The following GRID2IP variants were observed in gnomAD, a reference collection of about 807,000 sequenced individuals.
The protein encoded by GRID2IP is delphilin.
A neutral mutation model predicts 114.3 loss-of-function variants in GRID2IP; 78 were observed. The observed-to-expected ratio is 0.68, with a 90% CI of 0.57 to 0.82. The LOEUF (loss-of-function observed/expected upper bound fraction) is 0.82. GRID2IP is among the 40% of genes least tolerant of loss of function. GRID2IP has a pLI of 0.00. For missense variants in GRID2IP, 1,727 were observed against 1,678.5 expected, an observed-to-expected ratio of 1.03 and a Z score of -0.51; for synonymous variants, 809 against 724.0, an observed-to-expected ratio of 1.12 and a Z score of -1.89.
Position 6,521,306 on chromosome 7 carries a change from C to A in GRID2IP, c.1084+123G>T. The A allele has an allele frequency of 1.5e-6, 1 of 662,416 alleles. No homozygotes were observed. Among genetic ancestry groups the A allele is most frequent in the Non-Finnish European group, 2.6e-6 (1 of 391,712 alleles). 41.0% of individuals were successfully genotyped at this position (662,416 alleles called of 1,614,324 possible). The stretch of plus-strand genomic sequence containing the variant: ...TCTATAGCACCACTTAGGAGGCAGC[C>A]CCGGGGAGGCAAGCTGCAGGTTTAG... On this transcript the variant is annotated intron_variant, in intron 6 of 21. Transcript: ENST00000457091. This position sits in a 1 kb window ranked among gnomAD's most constrained non-coding sequence, Gnocchi z 4.1.
At chr7:6,511,370 A>T (rs1001367927) in intron 8 of GRID2IP, among the ~76,000 whole-genome samples, 1 of 149,230 alleles carries the variant, frequency 6.7e-6, no homozygotes, top group Non-Finnish European at 1.5e-5. Context: ...TTATGGGCAA[A>T]ATAGAAGTGT....
intron 4 of GRID2IP, among the ~76,000 whole-genome samples, chr7:6,522,710 A>G (rs1247622508): frequency 6.7e-6 from 1 of 148,822 alleles, no homozygotes; most frequent in Non-Finnish European, 1.5e-5. Flanking sequence ...CAGTGGTGTG[A>G]TCTCGGCTCA....
Position 6,509,326 on chromosome 7 carries a change from T to A in GRID2IP, c.1772-13A>T, listed in dbSNP as rs1274776475. The A allele has an allele frequency of 6.7e-7, 1 of 1,488,386 alleles. No homozygotes were observed. The highest frequency in any genetic ancestry group is 2.4e-5 in the Admixed American group (1 of 41,760). 92.2% of individuals were successfully genotyped at this position (1,488,386 alleles called of 1,614,324 possible). A position where few individuals can be genotyped will look rare whatever the true frequency, so the allele number is the denominator to read the frequency against. On this transcript the variant is annotated splice_polypyrimidine_tract_variant and intron_variant, in intron 11 of 21. Coordinates refer to ENST00000457091, the MANE Select transcript of GRID2IP (RefSeq NM_001145118.2). The surrounding 1 kb of genome is among the most constrained non-coding windows in gnomAD (Gnocchi z 4.9). ...AGGGTCCTGGGCCCTGGAGGAGGGA[T>A]GGAGTATGAGGATTCCTCTTCAGCC...
chr7:6,503,408 C>G lies in GRID2IP; in HGVS notation c.2907+83G>C, dbSNP rs570749541. 3.1e-5 allele frequency: 41 copies of G among 1,333,566 alleles called. No homozygotes were observed. In the East Asian group the frequency reaches 1.1e-3, roughly 35 times the overall value. The allele number at this position is 1,333,566 out of a possible 1,614,324, so 82.6% of individuals were successfully genotyped here. On this transcript the variant is annotated intron_variant, in intron 16 of 21. Transcript: ENST00000457091. ...GGCGCAATGGCGGCCCCCGAAGGCG[C>G]GCGGGACCCCAGCAGCCCTGGCCAC...
At chr7:6,544,499 C>T (rs578100267) in intron 1 of GRID2IP, among the ~76,000 whole-genome samples, 80 of 151,828 alleles carry the variant, frequency 5.3e-4, no homozygotes, top group Non-Finnish European at 8.5e-4. Context: ...CAGGCAGTCT[C>T]GAGCTCCTGA....
Position 6,497,715 on chromosome 7 carries a change from G to T in GRID2IP, c.*59C>A. Reference sequence around the variant, plus strand: ...GGCCCCGGACCTCGGCAGTGTCTGGGCTGCCCTCTCGGCCTCCATCTCCCT... The same window carrying T: ...GGCCCCGGACCTCGGCAGTGTCTGGTCTGCCCTCTCGGCCTCCATCTCCCT... On this transcript the variant is annotated 3_prime_UTR_variant, in exon 22 of 22. Transcript: ENST00000457091. 1 of 1,316,270 alleles carries T rather than the reference G, an allele frequency of 7.6e-7. No homozygotes were observed. The highest frequency in any genetic ancestry group is 1.1e-6 in the Non-Finnish European group (1 of 945,402). 81.5% of individuals were successfully genotyped at this position (1,316,270 alleles called of 1,614,324 possible).
chr7:6,546,750 C>G (rs545258051), intron 1 of GRID2IP, among the ~76,000 whole-genome samples: 1 of 152,112 alleles, frequency 6.6e-6, no homozygotes, highest in South Asian at 2.1e-4. Context: ...GCCTGGGCAG[C>G]CTGTCGGATT....
chr7:6,497,663 C>T lies in GRID2IP; in HGVS notation c.*111G>A, dbSNP rs1229386811. On this transcript the variant is annotated 3_prime_UTR_variant, in exon 22 of 22. Transcript: ENST00000457091. ...CTGAGGTAGCTGCAGGAGAGGCTGG[C>T]GGTGTGCTCAGAGCCCGGGGCACAG... 8.3e-6 allele frequency: 6 copies of T among 726,046 alleles called. No homozygotes were observed. Among genetic ancestry groups the T allele is most frequent in the Admixed American group, 3.0e-5 (1 of 33,762 alleles). The allele number at this position is 726,046 out of a possible 1,614,324, so 45.0% of individuals were successfully genotyped here.
At chr7:6,541,053 A>AT (rs907287542) in intron 1 of GRID2IP, among the ~76,000 whole-genome samples, 14 of 148,672 alleles carry the variant, frequency 9.4e-5, no homozygotes, top group East Asian at 2.0e-4. Flanking sequence ...GGCTAATTAA[A>AT]TTTTTTTTTT....
rs958278621 is a variant in GRID2IP, at chr7:6,537,453, C to T, written c.584+2265G>A. 4.2e-5 allele frequency among the ~76,000 whole-genome samples: 6 copies of T among 144,002 alleles called. No individual in the cohort carries two copies. The South Asian group carries it at 1.4e-3, about 33-fold the overall frequency. The allele number at this position is 144,002 out of a possible 152,430, so 94.5% of individuals were successfully genotyped here. The stretch of plus-strand genomic sequence containing the variant: ...AGTGCAGTGTCGTGATCTCAGCTCA[C>T]CGCAACCTCCCTCTCCTGGGTTCAA... On this transcript the variant is annotated intron_variant, in intron 2 of 21. Coordinates refer to ENST00000457091, the MANE Select transcript of GRID2IP (RefSeq NM_001145118.2).
chr7:6,524,242 G>C (rs1779464173), intron 4 of GRID2IP, among the ~76,000 whole-genome samples: 1 of 152,218 alleles, frequency 6.6e-6, no homozygotes, highest in South Asian at 2.1e-4. Flanking sequence ...TACAGGATCA[G>C]ACGATGCCCA....
At chr7:6,502,265 C>T in intron 18 of GRID2IP, 147 bp from the exon 19 acceptor site, 1 of 738,066 alleles carries the variant, frequency 1.4e-6, no homozygotes, top group South Asian at 1.6e-5. Context: ...TGCTCTGTTG[C>T]CCAGGCTGGA....
chr7:6,524,943 C>G (rs1779480687), intron 4 of GRID2IP, among the ~76,000 whole-genome samples: 1 of 151,704 alleles, frequency 6.6e-6, no homozygotes, highest in African/African-American at 2.4e-5. Flanking sequence ...TGGTCTCGAT[C>G]TCCTGACCTC....
chr7:6,503,836 G>A (rs1400542150), intron 15 of GRID2IP, 149 bp from the exon 16 acceptor site: 4 of 583,220 alleles, frequency 6.9e-6, no homozygotes, highest in Non-Finnish European at 1.1e-5. Flanking sequence ...GGAAGGACAA[G>A]AAACGCGGAC....
chr7:6,503,794 G>A, intron 15 of GRID2IP, 107 bp from the exon 16 acceptor site: 1 of 759,626 alleles, frequency 1.3e-6, no homozygotes, highest in Non-Finnish European at 2.0e-6. Flanking sequence ...ACACGGGGCG[G>A]GGCCTAGGGG....
chr7:6,512,231 C>T (rs1001718650), intron 8 of GRID2IP, among the ~76,000 whole-genome samples: 51 of 90,182 alleles, frequency 5.7e-4, no homozygotes, highest in Middle Eastern at 8.2e-3. Flanking sequence ...TTCTTTTCTT[C>T]TTTTTTTTTT....
chr7:6,548,004 A>C (rs1266278737), intron 1 of GRID2IP, among the ~76,000 whole-genome samples: 1 of 152,204 alleles, frequency 6.6e-6, no homozygotes, highest in African/African-American at 2.4e-5. Flanking sequence ...AAAGTCTGTG[A>C]GCTTGATAAC....
Position 6,498,144 on chromosome 7 carries a change from C to T in GRID2IP, c.3484G>A (p.Ala1162Thr), listed in dbSNP as rs1311166238. Residue 1162 changes from alanine (A) to threonine (T), a missense_variant, in exon 21 of 22, where the codon GCC (alanine) becomes ACC (threonine). Coordinates refer to ENST00000457091, the MANE Select transcript of GRID2IP (RefSeq NM_001145118.2). ...EAMEELGKAL[A>T]FFGEDSKATT... ...GCCTTGGAATCCTCCCCAAAGAAGGCCAGCGCCTTGCCCAGCTCCTCCATG... is the reference window on the plus strand; with the variant it reads ...GCCTTGGAATCCTCCCCAAAGAAGGTCAGCGCCTTGCCCAGCTCCTCCATG... 2 of 1,551,538 alleles carry T rather than the reference C, an allele frequency of 1.3e-6. No individual in the cohort carries two copies. The highest frequency in any genetic ancestry group is 8.7e-7 in the Non-Finnish European group (1 of 1,146,962).
chr7:6,516,293 G>A lies in GRID2IP; in HGVS notation c.1269-1764C>T, dbSNP rs1779298139. Among the ~76,000 whole-genome samples, 2 of 151,672 alleles carry A rather than the reference G, an allele frequency of 1.3e-5. No individual in the cohort carries two copies. The highest frequency in any genetic ancestry group is 4.2e-4 in the South Asian group (2 of 4,812). On this transcript the variant is annotated intron_variant, in intron 7 of 21. Transcript: ENST00000457091. This position sits in a 1 kb window ranked among gnomAD's most constrained non-coding sequence, Gnocchi z 4.3. ...AAAGAAAATACATAGAATAAGAATA[G>A]TTATACTAGAAATAGATTATAGATA...
Sources: gnomAD v4.1 joint callset for allele counts (sites outside exome capture counted in the v4.1 genomes callset) on GRCh38, gnomAD v4.1.1 for gene constraint, Gnocchi (gnomAD v3.1) non-coding constraint, MANE v1.5 for transcripts, NCBI Gene and HGNC (gene_info 2026-07-23, HGNC 2026-07-21) for gene names.